QTGAL: variants seen among roughly 807,000 people sequenced by gnomAD.
QTGAL encodes BGnT-like protein 1.
the QTGAL span, among the ~76,000 whole-genome samples, chr17:83,015,074 G>T: frequency 1.3e-5 from 2 of 151,132 alleles, no homozygotes; most frequent in Admixed American, 6.6e-5. This position sits in a 1 kb window ranked among gnomAD's most constrained non-coding sequence, Gnocchi z 4.4. Flanking sequence ...CCACCACTGT[G>T]GAGGGGACCG....
At chr17:83,033,963 C>G in the QTGAL span, among the ~76,000 whole-genome samples, 1 of 152,028 alleles carries the variant, frequency 6.6e-6, no homozygotes, top group Non-Finnish European at 1.5e-5. Flanking sequence ...TTTTTTGAGA[C>G]AGAGTCTCAC....
the QTGAL span, among the ~76,000 whole-genome samples, chr17:82,973,697 TAAG>T: frequency 6.6e-6 from 1 of 152,110 alleles, no homozygotes; most frequent in Non-Finnish European, 1.5e-5. Context: ...CGGAGCCGGC[TAAG>T]AAGTTACCTG....
At chr17:83,046,454 T>C in the QTGAL span, among the ~76,000 whole-genome samples, 1 of 152,136 alleles carries the variant, frequency 6.6e-6, no homozygotes, top group African/African-American at 2.4e-5. Context: ...GATATATAAA[T>C]GGCCAACAAG....
the QTGAL span, among the ~76,000 whole-genome samples, chr17:83,033,007 G>A: frequency 6.6e-6 from 1 of 152,260 alleles, no homozygotes; most frequent in Non-Finnish European, 1.5e-5. Flanking sequence ...AAATCCCCGC[G>A]TAGGCAGGAG....
the QTGAL span, among the ~76,000 whole-genome samples, chr17:83,018,271 C>T: frequency 0.027 from 4,016 of 151,482 alleles, 154 homozygotes; most frequent in African/African-American, 0.093. Flanking sequence ...AGATACCACA[C>T]GTGCTCCACA....
At chr17:82,964,976 G>A in the QTGAL span, among the ~76,000 whole-genome samples, 5 of 139,474 alleles carry the variant, frequency 3.6e-5, no homozygotes, top group African/African-American at 1.1e-4. Flanking sequence ...GGACATGGAT[G>A]CCTGAACGTG....
the QTGAL span, among the ~76,000 whole-genome samples, chr17:83,033,531 G>A: frequency 6.6e-6 from 1 of 151,332 alleles, no homozygotes; most frequent in East Asian, 1.9e-4. Flanking sequence ...GAGTGCAGTG[G>A]CGTGATCTCG....
chr17:82,958,623 C>T, the QTGAL span, among the ~76,000 whole-genome samples: 18,704 of 152,136 alleles, frequency 0.12, 2,769 homozygotes, highest in African/African-American at 0.35. Flanking sequence ...TGGGGGGACA[C>T]GGGGTCCCCT....
At chr17:82,954,214 G>A in the QTGAL span, among the ~76,000 whole-genome samples, 4 of 152,318 alleles carry the variant, frequency 2.6e-5, no homozygotes, top group African/African-American at 9.6e-5. Context: ...GTCTCTGTTT[G>A]CAGATGACAT....
the QTGAL span, among the ~76,000 whole-genome samples, chr17:83,000,356 A>G: frequency 6.6e-6 from 1 of 152,224 alleles, no homozygotes; most frequent in African/African-American, 2.4e-5. Flanking sequence ...AAGCACTCAC[A>G]GCACCTGAGC....
the QTGAL span, among the ~76,000 whole-genome samples, chr17:82,999,169 G>A: frequency 6.6e-6 from 1 of 152,056 alleles, no homozygotes; most frequent in East Asian, 1.9e-4. Context: ...TATATTCACT[G>A]TCATGCACAC....
chr17:83,039,466 C>G, the QTGAL span, among the ~76,000 whole-genome samples: 1 of 124,528 alleles, frequency 8.0e-6, no homozygotes, highest in Non-Finnish European at 1.8e-5. Flanking sequence ...TCTAGACACA[C>G]TGCTGGGCGC....
chr17:82,999,941 G>T, the QTGAL span, among the ~76,000 whole-genome samples: 7 of 151,948 alleles, frequency 4.6e-5, no homozygotes, highest in South Asian at 8.3e-4. Context: ...GAGGTCACTG[G>T]TTTTTTTTGT....
chr17:82,989,687 T>C, the QTGAL span, among the ~76,000 whole-genome samples: 68 of 152,280 alleles, frequency 4.5e-4, no homozygotes, highest in Non-Finnish European at 6.5e-4. Context: ...TAGTGCACCT[T>C]TGTGGAGTCG....
At chr17:83,006,128 C>T in the QTGAL span, 1,947 of 988,324 alleles carry the variant, frequency 2.0e-3, 1 homozygote, top group Admixed American at 3.4e-3. This position sits in a 1 kb window ranked among gnomAD's most constrained non-coding sequence, Gnocchi z 5.8. Context: ...TCCCAGCGGA[C>T]GCAGCTGATT....
At chr17:83,031,601 C>A in the QTGAL span, among the ~76,000 whole-genome samples, 1 of 152,240 alleles carries the variant, frequency 6.6e-6, no homozygotes, top group African/African-American at 2.4e-5. Flanking sequence ...CTTCCACAGC[C>A]TTTCCAAGGA....
At chr17:82,944,929 A>AATCT in the QTGAL span, 1 of 152,184 alleles carries the variant, frequency 6.6e-6, no homozygotes, top group African/African-American at 2.4e-5. Context: ...CTCTTATCTC[A>AATCT]ATCTATCTCC....
At chr17:82,953,243 G>T in the QTGAL span, among the ~76,000 whole-genome samples, 3 of 151,922 alleles carry the variant, frequency 2.0e-5, no homozygotes, top group Non-Finnish European at 4.4e-5. Flanking sequence ...ATCAATGACT[G>T]GTTTTTTGAA....
chr17:82,977,155 G>A, the QTGAL span, among the ~76,000 whole-genome samples: 1 of 152,240 alleles, frequency 6.6e-6, no homozygotes, highest in Non-Finnish European at 1.5e-5. Flanking sequence ...ACTGGGAAAC[G>A]TATTCTCTAT....
Sources: allele counts gnomAD v4.1 joint callset (sites outside exome capture counted in the v4.1 genomes callset), GRCh38; gene constraint gnomAD v4.1.1; non-coding constraint Gnocchi (gnomAD v3.1); transcripts MANE v1.5; gene names NCBI Gene and HGNC (gene_info 2026-07-23, HGNC 2026-07-21).